The following DGKH variants were observed in gnomAD, a reference collection of about 807,000 sequenced individuals.
DGKH encodes the protein DAG kinase eta.
A neutral mutation model predicts 159.3 loss-of-function variants in DGKH; 90 were observed. The ratio of observed to expected loss-of-function variants is 0.57; its 90% CI spans 0.48 to 0.67. DGKH has a LOEUF of 0.67. Among genes scored for constraint, DGKH ranks in the 30% least tolerant of loss-of-function variants. The pLI is 0.00. For synonymous variants in DGKH, 536 were observed against 553.8 expected, an observed-to-expected ratio of 0.97 and a Z score of 0.45; for missense variants, 1,181 against 1,506.1, an observed-to-expected ratio of 0.78 and a Z score of 3.57.
At position 42,067,983 on chromosome 13, in the gene DGKH, T is replaced by A. The variant is rs114590920; in HGVS notation, c.192+19018T>A. Among the ~76,000 whole-genome samples, 1,181 of 152,238 alleles carry A rather than the reference T, an allele frequency of 7.8e-3. 2 individuals carry two copies. The highest frequency in any genetic ancestry group is 0.011 in the Non-Finnish European group (779 of 68,004). Reference sequence around the variant, plus strand: ...GCACACAATTCTAACATTCATTTTTTTAAAAAAATAAACACAATTAAGACT... The same window carrying A: ...GCACACAATTCTAACATTCATTTTTATAAAAAAATAAACACAATTAAGACT... On this transcript the variant is annotated intron_variant, in intron 1 of 29. Coordinates refer to ENST00000337343, the MANE Select transcript of DGKH (RefSeq NM_178009.5).
intron 9 of DGKH, among the ~76,000 whole-genome samples, chr13:42,167,158 A>T (rs1433427504): frequency 6.6e-6 from 1 of 152,218 alleles, no homozygotes; most frequent in Non-Finnish European, 1.5e-5. Context: ...AGCTTTCTGG[A>T]TGTCATATAA....
chr13:42,242,952 T>C (rs538230817), downstream of DGKH: 4 of 152,312 alleles, frequency 2.6e-5, no homozygotes, highest in South Asian at 8.3e-4. Flanking sequence ...AAACTTTTAA[T>C]TTTGAGACAA....
intron 3 of DGKH, among the ~76,000 whole-genome samples, chr13:42,152,730 A>G (rs576385278): frequency 6.6e-6 from 1 of 151,972 alleles, no homozygotes; most frequent in African/African-American, 2.4e-5. Context: ...GTGAAGTAAC[A>G]GTTAGAACCA....
At chr13:42,086,261 A>C (rs1954298945) in intron 1 of DGKH, among the ~76,000 whole-genome samples, 1 of 152,070 alleles carries the variant, frequency 6.6e-6, no homozygotes, top group African/African-American at 2.4e-5. Context: ...GGGATCTTTC[A>C]CTCATCTTTG....
chr13:42,135,822 A>G (rs1030032059), intron 3 of DGKH, among the ~76,000 whole-genome samples: 1 of 152,170 alleles, frequency 6.6e-6, no homozygotes, highest in Non-Finnish European at 1.5e-5. Context: ...GCTCTTTCCA[A>G]TCAGACAGAG....
chr13:42,174,421 G>A (rs193289267), intron 12 of DGKH, among the ~76,000 whole-genome samples: 43 of 152,244 alleles, frequency 2.8e-4, no homozygotes, highest in Middle Eastern at 3.4e-3. Flanking sequence ...AGGCTACAAA[G>A]TCATGGGAGT....
chr13:42,072,596 C>G (rs1883043062), intron 1 of DGKH, among the ~76,000 whole-genome samples: 1 of 152,146 alleles, frequency 6.6e-6, no homozygotes, highest in African/African-American at 2.4e-5. Flanking sequence ...TGTCATGAGA[C>G]AGTGGCTTCC....
At chr13:42,254,988 T>A (rs997402386) in intron 30 of DGKH, among the ~76,000 whole-genome samples, 2 of 152,082 alleles carry the variant, frequency 1.3e-5, no homozygotes, top group African/African-American at 4.8e-5. Flanking sequence ...TAGACAAAAA[T>A]TTTTATATTG....
chr13:42,065,799 G>T (rs541707285), intron 1 of DGKH, among the ~76,000 whole-genome samples: 73 of 152,306 alleles, frequency 4.8e-4, no homozygotes, highest in Non-Finnish European at 7.8e-4. Flanking sequence ...TGTCATCATT[G>T]TAACCCCATG....
At chr13:42,146,792 AT>A (rs1955746854) in intron 3 of DGKH, among the ~76,000 whole-genome samples, 1 of 152,256 alleles carries the variant, frequency 6.6e-6, no homozygotes. Context: ...AAGAAGATAA[AT>A]AGTTGCCTTC....
At chr13:42,206,329 C>G (rs1674248039) in intron 21 of DGKH, among the ~76,000 whole-genome samples, 183 bp downstream of exon 21, 1 of 152,074 alleles carries the variant, frequency 6.6e-6, no homozygotes, top group African/African-American at 2.4e-5. Context: ...TGGATGTACT[C>G]CAACTTTTCT....
Position 42,048,878 on chromosome 13 carries a change from A to G in DGKH, c.105A>G (p.Gly35=). The G allele has an allele frequency of 7.3e-7, 1 of 1,372,392 alleles. No homozygotes were observed. The highest frequency in any genetic ancestry group is 9.5e-7 in the Non-Finnish European group (1 of 1,057,984). The allele number at this position is 1,372,392 out of a possible 1,614,324, so 85.0% of individuals were successfully genotyped here. Residue 35 remains glycine, a synonymous_variant, in exon 1 of 30, where the codon GGA becomes GGG. Coordinates refer to ENST00000337343, the MANE Select transcript of DGKH (RefSeq NM_178009.5). The surrounding 1 kb of genome is among the most constrained non-coding windows in gnomAD (Gnocchi z 6.7). Reference sequence around the variant, plus strand: ...CCGCCGCTGCCTCGGCGGGGCCGGGAGAGGATTCGTCTGACAGCGAAGCGG... The same window carrying G: ...CCGCCGCTGCCTCGGCGGGGCCGGGGGAGGATTCGTCTGACAGCGAAGCGG... ...VTSAAASAGP[G]EDSSDSEAEQ...
At chr13:42,074,032 A>G (rs534859365) in intron 1 of DGKH, among the ~76,000 whole-genome samples, 1 of 152,338 alleles carries the variant, frequency 6.6e-6, no homozygotes, top group African/African-American at 2.4e-5. Context: ...ACTGTCTACA[A>G]CAGGAAAGAT....
rs1293122127 is a variant in DGKH at position 42,210,751 on chromosome 13, G to A, written c.3000G>A (p.Glu1000=). The part of the protein sequence containing the change: ...SQMQLCSQAA[E]ELITRICDAA... ...TGCAGCTATGCTCCCAGGCTGCAGA[G>A]GAGCTCATTACTAGGTAGGGGGCTC... The change falls in exon 24 of 30, where the codon GAG becomes GAA. Residue 1000 remains glutamate, a synonymous_variant. Transcript: ENST00000337343. The A allele has an allele frequency of 2.5e-6, 4 of 1,612,304 alleles. No individual in the cohort carries two copies. Among genetic ancestry groups the A allele is most frequent in the Admixed American group, 1.7e-5 (1 of 59,932 alleles).
intron 13 of DGKH, among the ~76,000 whole-genome samples, chr13:42,179,294 C>T (rs1179686655): frequency 2.0e-5 from 3 of 152,154 alleles, no homozygotes; most frequent in East Asian, 1.9e-4. Context: ...AAACAATTTT[C>T]CTTACAATCA....
At chr13:42,159,964 G>T in intron 6 of DGKH, 47 bp from the exon 7 acceptor site, 4 of 1,613,750 alleles carry the variant, frequency 2.5e-6, no homozygotes, top group Non-Finnish European at 3.4e-6. Context: ...GGGTAAGGTT[G>T]GTGTCCGCCA....
chr13:42,097,945 C>T (rs991876212), intron 1 of DGKH, among the ~76,000 whole-genome samples: 4 of 152,198 alleles, frequency 2.6e-5, no homozygotes, highest in Admixed American at 6.5e-5. Flanking sequence ...AGTTGATTTT[C>T]AACCCTATAT....
rs146220534 is a variant in DGKH, at chr13:42,221,371, C to T, written c.3550C>T (p.His1184Tyr). The T allele has an allele frequency of 3.5e-4, 566 of 1,613,518 alleles. No homozygotes were observed. Among genetic ancestry groups the T allele is most frequent in the Middle Eastern group, 1.3e-3 (8 of 6,078 alleles). Residue 1184 changes from histidine to tyrosine, a missense_variant, in exon 29 of 30, where the codon CAT becomes TAT. Coordinates refer to ENST00000337343, the MANE Select transcript of DGKH (RefSeq NM_178009.5). ...TGACATCAGAGGGGCTGAACTTTTG[C>T]ATCTGGAAAGGCGAGATCTTAAGGT... ...RHDIRGAELL[H>Y]LERRDLKDLG...
In DGKH at chr13:42,094,799, G is replaced by C. The variant is rs373955606; in HGVS notation, c.193-32664G>C. Among the ~76,000 whole-genome samples the C allele has an allele frequency of 5.9e-5, 9 of 152,234 alleles. 1 individual carries two copies. The East Asian group carries it at 1.2e-3, about 20-fold the overall frequency. On this transcript the variant is annotated intron_variant, in intron 1 of 29. Transcript: ENST00000337343. ...AAAGAGTGCAAATTGACAGATTCCT[G>C]CATCTGTATCTCACAGGATACATAT...
Sources: gnomAD v4.1 joint callset for allele counts (sites outside exome capture counted in the v4.1 genomes callset) on GRCh38, gnomAD v4.1.1 for gene constraint, Gnocchi (gnomAD v3.1) non-coding constraint, MANE v1.5 for transcripts, NCBI Gene and HGNC (gene_info 2026-07-23, HGNC 2026-07-21) for gene names.